TNRC18: variants seen among roughly 807,000 people sequenced by gnomAD.
TNRC18 encodes trinucleotide repeat containing 18.
In TNRC18, 69 loss-of-function variants were observed where a neutral mutation model predicts 226.7. The observed-to-expected ratio is 0.30, with a 90% CI of 0.25 to 0.37. The LOEUF (loss-of-function observed/expected upper bound fraction) is 0.37, where lower values mean the gene tolerates loss of function less well. TNRC18 is among the 10% of genes least tolerant of loss of function. TNRC18 has a pLI of 1.00. For synonymous variants in TNRC18, 2,449 were observed against 1,927.6 expected, an observed-to-expected ratio of 1.27 and a Z score of -7.09; for missense variants, 4,754 against 4,256.6, an observed-to-expected ratio of 1.12 and a Z score of -3.25.
intron 2 of TNRC18, among the ~76,000 whole-genome samples, chr7:5,399,598 C>T (rs1207918900): frequency 1.3e-5 from 2 of 151,752 alleles, no homozygotes; most frequent in African/African-American, 4.8e-5. Flanking sequence ...CCCAGCTACT[C>T]AGGAGGCTGA....
At chr7:5,308,837 T>A in intron 29 of TNRC18, 38 bp downstream of exon 29, 1 of 834,150 alleles carries the variant, frequency 1.2e-6, no homozygotes, top group Non-Finnish European at 2.0e-6. Context: ...GAAGCAGCCA[T>A]CCCCAACCCG....
rs983803777 is a variant in TNRC18 at position 5,359,976 on chromosome 7, T to C, written c.4662-407A>G. Among the ~76,000 whole-genome samples the C allele has an allele frequency of 3.9e-5, 6 of 152,012 alleles. No individual in the cohort carries two copies. The East Asian group carries it at 7.7e-4, about 20-fold the overall frequency. On this transcript the variant is annotated intron_variant, in intron 14 of 29. Transcript: ENST00000430969. ...ACACGAAGAAGGATTCCAGTCTCTC[T>C]TTTCCAGTAAGGGAAAAAAAAAACG...
At chr7:5,322,909 T>G (rs1204343167) in intron 21 of TNRC18, among the ~76,000 whole-genome samples, 1 of 152,216 alleles carries the variant, frequency 6.6e-6, no homozygotes, top group Non-Finnish European at 1.5e-5. Context: ...CATGTGGCTC[T>G]CAGAAGTGGC....
chr7:5,381,034 G>C (rs1358472937), intron 5 of TNRC18, among the ~76,000 whole-genome samples: 1 of 151,990 alleles, frequency 6.6e-6, no homozygotes, highest in Non-Finnish European at 1.5e-5. Flanking sequence ...CCCCCCGACT[G>C]TCCCGGCTGT....
At chr7:5,383,608 C>T (rs1055017196) in intron 5 of TNRC18, among the ~76,000 whole-genome samples, 2 of 152,158 alleles carry the variant, frequency 1.3e-5, no homozygotes, top group African/African-American at 4.8e-5. Flanking sequence ...GGGGCGAGAA[C>T]CCAGGAGACC....
chr7:5,359,390 T>G lies in TNRC18; in HGVS notation c.4833+8A>C, dbSNP rs1348794135. 5.0e-6 allele frequency: 8 copies of G among 1,613,914 alleles called. No individual in the cohort carries two copies. In the South Asian group the frequency reaches 8.8e-5, roughly 18 times the overall value. On this transcript the variant is annotated splice_region_variant and intron_variant, in intron 15 of 29. Transcript: ENST00000430969. The stretch of plus-strand genomic sequence containing the variant: ...GATCTCACACACCTGGAAGACTGGG[T>G]TACTCACCTGACTGATGAAGTCCGA...
At chr7:5,352,484 G>T (rs939423621) in intron 16 of TNRC18, among the ~76,000 whole-genome samples, 1 of 152,194 alleles carries the variant, frequency 6.6e-6, no homozygotes, top group African/African-American at 2.4e-5. Context: ...GGTGACAACC[G>T]CAGAGGACCT....
intron 2 of TNRC18, among the ~76,000 whole-genome samples, chr7:5,406,544 A>G (rs1486995530): frequency 6.6e-6 from 1 of 151,336 alleles, no homozygotes; most frequent in Non-Finnish European, 1.5e-5. Context: ...ACTCACATTC[A>G]CAGAGACAGA....
chr7:5,383,957 A>ATTTTTTTTTTTTTTTTTTTTTTTTTT (rs765430615), intron 5 of TNRC18, among the ~76,000 whole-genome samples: 1 of 78,794 alleles, frequency 1.3e-5, no homozygotes, highest in Non-Finnish European at 2.2e-5. Flanking sequence ...TACCCGGGTG[A>ATTTTTTTTTTTTTTTTTTTTTTTTTT]TTTTTTTTTT....
chr7:5,383,826 T>A (rs543862613), intron 5 of TNRC18, among the ~76,000 whole-genome samples: 18 of 152,160 alleles, frequency 1.2e-4, no homozygotes, highest in African/African-American at 4.3e-4. Context: ...CGGGTCTCAC[T>A]CTGTTGCCCA....
intron 2 of TNRC18, among the ~76,000 whole-genome samples, chr7:5,419,063 C>T (rs1345630271): frequency 6.6e-6 from 1 of 152,224 alleles, no homozygotes; most frequent in Non-Finnish European, 1.5e-5. Context: ...AGAAGTCAGG[C>T]AGCTCCCAGC....
intron 21 of TNRC18, among the ~76,000 whole-genome samples, chr7:5,321,422 C>T (rs934520937): frequency 3.9e-5 from 6 of 152,106 alleles, no homozygotes; most frequent in Non-Finnish European, 8.8e-5. Context: ...CTCCTAGCCC[C>T]CTCCCCTGCC....
chr7:5,405,090 C>T (rs933812383), intron 2 of TNRC18, among the ~76,000 whole-genome samples: 1 of 151,198 alleles, frequency 6.6e-6, no homozygotes, highest in African/African-American at 2.4e-5. Flanking sequence ...GCACTCCAGC[C>T]TGGGCAACAG....
intron 22 of TNRC18, among the ~76,000 whole-genome samples, 173 bp downstream of exon 22, chr7:5,320,900 C>T (rs1788286285): frequency 6.6e-6 from 1 of 152,240 alleles, no homozygotes; most frequent in South Asian, 2.1e-4. Context: ...ACCCAGTACT[C>T]CCTCAAAGTG....
At chr7:5,390,133 G>T in intron 4 of TNRC18, 1 of 429,110 alleles carries the variant, frequency 2.3e-6, no homozygotes, top group Admixed American at 4.3e-5. Context: ...GAAAGCCGAG[G>T]TAGGAGGATT....
intron 24 of TNRC18, among the ~76,000 whole-genome samples, 193 bp from the exon 25 acceptor site, chr7:5,316,265 G>C (rs1468853982): frequency 1.4e-5 from 2 of 138,042 alleles, no homozygotes; most frequent in East Asian, 4.6e-4. Flanking sequence ...CAGGGCAGGA[G>C]AAATGGGTCT....
chr7:5,366,413 G>A lies in TNRC18; in HGVS notation c.4220-3588C>T, dbSNP rs139364038. 1.7e-3 allele frequency among the ~76,000 whole-genome samples: 213 copies of A among 124,642 alleles called. 6 individuals are homozygous for A. In the East Asian group the frequency reaches 0.047, roughly 28 times the overall value. 81.8% of individuals were successfully genotyped at this position (124,642 alleles called of 152,430 possible). ...ACCAATCTTGGCTCATGCAACCTTC[G>A]CCTCCTGGATTCAAGCAATTCTGCC... On this transcript the variant is annotated intron_variant, in intron 11 of 29. Coordinates refer to ENST00000430969, the MANE Select transcript of TNRC18 (RefSeq NM_001080495.3).
intron 18 of TNRC18, among the ~76,000 whole-genome samples, chr7:5,340,683 C>T (rs561005923): frequency 6.7e-6 from 1 of 150,104 alleles, no homozygotes; most frequent in Non-Finnish European, 1.5e-5. Context: ...GCAGAGGTTG[C>T]AGTGAGCTGA....
At chr7:5,325,506 C>T in intron 19 of TNRC18, 1 of 405,156 alleles carries the variant, frequency 2.5e-6, no homozygotes, top group Non-Finnish European at 4.4e-6. Context: ...TCACTGCAAG[C>T]TCTGCCTCCC....
Sources: allele counts gnomAD v4.1 joint callset (sites outside exome capture counted in the v4.1 genomes callset), GRCh38; gene constraint gnomAD v4.1.1; transcripts MANE v1.5; gene names NCBI Gene and HGNC (gene_info 2026-07-23, HGNC 2026-07-21).